LRMDA: variants seen among roughly 807,000 people sequenced by gnomAD.
LRMDA encodes the protein leucine-rich melanocyte differentiation-associated protein.
LRMDA carries 18 observed loss-of-function variants against 29.8 expected under a neutral mutation model. The observed-to-expected ratio is 0.60, with a 90% CI of 0.42 to 0.90. The LOEUF (loss-of-function observed/expected upper bound fraction) is 0.90. Ranked by LOEUF, LRMDA falls within the 40% of genes least tolerant of loss-of-function variation. The probability of loss-of-function intolerance (pLI) is 0.00; values close to 1 mark genes in which losing one functional copy is unlikely to be tolerated. For missense variants in LRMDA, 273 were observed against 273.9 expected (o/e 1.00, Z 0.02); for synonymous variants, 125 against 109.4 (o/e 1.14, Z -0.89).
intron 2 of LRMDA, among the ~76,000 whole-genome samples, chr10:75,596,785 C>T (rs1350195816): frequency 6.6e-6 from 1 of 152,146 alleles, no homozygotes; most frequent in African/African-American, 2.4e-5. Context: ...ACTCTCATAT[C>T]TAGCTGGGAT....
At chr10:75,944,512 T>A (rs1301918918) in intron 2 of LRMDA, among the ~76,000 whole-genome samples, 1 of 151,768 alleles carries the variant, frequency 6.6e-6, no homozygotes, top group East Asian at 1.9e-4. Flanking sequence ...CTCCATTCTA[T>A]TTTTTTCTCC....
intron 2 of LRMDA, among the ~76,000 whole-genome samples, chr10:75,661,139 G>A (rs762982029): frequency 6.6e-6 from 1 of 152,130 alleles, no homozygotes; most frequent in Non-Finnish European, 1.5e-5. Context: ...TGAGGCACAC[G>A]GGCTGGGGGA....
chr10:76,401,952 G>A (rs796196704), intron 6 of LRMDA, among the ~76,000 whole-genome samples: 107 of 152,160 alleles, frequency 7.0e-4, no homozygotes, highest in Admixed American at 2.2e-3. Flanking sequence ...CAGCAGAGGT[G>A]GGGTCGGGGG....
chr10:76,372,186 T>C (rs1841462323), intron 6 of LRMDA, among the ~76,000 whole-genome samples: 1 of 152,196 alleles, frequency 6.6e-6, no homozygotes, highest in East Asian at 1.9e-4. Context: ...ACCCTTAAAA[T>C]GCAGGGGCAC....
At chr10:75,823,206 A>C (rs1764673287) in intron 2 of LRMDA, among the ~76,000 whole-genome samples, 2 of 152,228 alleles carry the variant, frequency 1.3e-5, no homozygotes, top group Admixed American at 1.3e-4. Flanking sequence ...AAATATTTGC[A>C]GACAATGCAT....
chr10:76,054,618 C>T (rs940008941), intron 4 of LRMDA, among the ~76,000 whole-genome samples: 1 of 151,682 alleles, frequency 6.6e-6, no homozygotes, highest in African/African-American at 2.4e-5. Flanking sequence ...CATCTTTTCC[C>T]ACCCTACACT....
intron 6 of LRMDA, among the ~76,000 whole-genome samples, chr10:76,531,900 T>G (rs1843238082): frequency 6.6e-6 from 1 of 152,208 alleles, no homozygotes; most frequent in Admixed American, 6.5e-5. Context: ...TTAAAACCAT[T>G]TGGGCCTGGA....
intron 6 of LRMDA, among the ~76,000 whole-genome samples, chr10:76,398,405 T>C (rs1432568509): frequency 6.6e-6 from 1 of 152,226 alleles, no homozygotes; most frequent in African/African-American, 2.4e-5. Flanking sequence ...CTAATTATAA[T>C]GTGACCTCCT....
chr10:75,882,490 A>G (rs1845311270), intron 2 of LRMDA, among the ~76,000 whole-genome samples: 1 of 152,218 alleles, frequency 6.6e-6, no homozygotes, highest in Non-Finnish European at 1.5e-5. Flanking sequence ...AGGTATCTCA[A>G]GATGGAGTGT....
At chr10:75,545,987 G>A (rs770050903) in intron 2 of LRMDA, among the ~76,000 whole-genome samples, 2 of 152,178 alleles carry the variant, frequency 1.3e-5, no homozygotes, top group Non-Finnish European at 2.9e-5. Flanking sequence ...CCAAAATCTT[G>A]AGCCGGGAAC....
chr10:75,792,069 C>G (rs902888410), intron 2 of LRMDA, among the ~76,000 whole-genome samples: 3 of 151,672 alleles, frequency 2.0e-5, no homozygotes, highest in Non-Finnish European at 4.4e-5. Context: ...CTGTGTTAGT[C>G]AGGATGGTCT....
chr10:75,671,940 C>G (rs561284318), intron 2 of LRMDA, among the ~76,000 whole-genome samples: 2 of 152,228 alleles, frequency 1.3e-5, no homozygotes, highest in South Asian at 4.1e-4. Context: ...ACAGGATTTT[C>G]TCTCCACCCA....
At chr10:76,521,628 C>T (rs1021291943) in intron 6 of LRMDA, among the ~76,000 whole-genome samples, 4 of 152,258 alleles carry the variant, frequency 2.6e-5, no homozygotes, top group East Asian at 1.9e-4. Context: ...GGGAGAGAAG[C>T]GAAAAGCATT....
rs1048899085 is a variant in LRMDA, at chr10:76,469,295, C to T, written c.602-87914C>T. Among the ~76,000 whole-genome samples, 11 of 152,090 alleles carry T rather than the reference C, an allele frequency of 7.2e-5. No homozygotes were observed. The East Asian group carries it at 7.7e-4, about 11-fold the overall frequency. On this transcript the variant is annotated intron_variant, in intron 6 of 6. Coordinates refer to ENST00000611255, the MANE Select transcript of LRMDA (RefSeq NM_001305581.2). ...GGCTGCCAACATTTCTTATTCCCTC[C>T]GACTCTGAGATGCAGAAGTTAAGTT...
chr10:76,031,208 G>A (rs964036419), intron 2 of LRMDA, among the ~76,000 whole-genome samples: 1 of 152,150 alleles, frequency 6.6e-6, no homozygotes, highest in Non-Finnish European at 1.5e-5. Context: ...CAGGGTAGCA[G>A]GAAGGGCACT....
intron 2 of LRMDA, among the ~76,000 whole-genome samples, chr10:75,460,384 A>C (rs1037878908): frequency 4.6e-5 from 7 of 152,158 alleles, no homozygotes; most frequent in Non-Finnish European, 4.4e-5. Flanking sequence ...TCATTTGGAG[A>C]AACTCTGAAA....
At chr10:76,382,607 G>C (rs1248359975) in intron 6 of LRMDA, among the ~76,000 whole-genome samples, 1 of 152,196 alleles carries the variant, frequency 6.6e-6, no homozygotes, top group African/African-American at 2.4e-5. Flanking sequence ...CTTCCACTGA[G>C]ACATAAACTA....
At chr10:76,034,349 C>T (rs755111173) in intron 2 of LRMDA, among the ~76,000 whole-genome samples, 2 of 152,000 alleles carry the variant, frequency 1.3e-5, no homozygotes, top group East Asian at 1.9e-4. Context: ...TTTTGCCTCT[C>T]GGAACCAAGA....
chr10:76,514,696 G>T (rs1428925880), intron 6 of LRMDA, among the ~76,000 whole-genome samples: 1 of 152,116 alleles, frequency 6.6e-6, no homozygotes, highest in Non-Finnish European at 1.5e-5. Flanking sequence ...CTGCCCAGAT[G>T]TGAGGCTGGG....
Sources: gnomAD v4.1 joint callset for allele counts (sites outside exome capture counted in the v4.1 genomes callset) on GRCh38, gnomAD v4.1.1 for gene constraint, MANE v1.5 for transcripts, NCBI Gene and HGNC (gene_info 2026-07-23, HGNC 2026-07-21) for gene names.